Variants in ATP6V1C1 observed in about 807,000 individuals in gnomAD.
ATP6V1C1 encodes the protein V-type proton ATPase subunit C 1.
A neutral mutation model predicts 53.9 loss-of-function variants in ATP6V1C1; 45 were observed. The ratio of observed to expected loss-of-function variants is 0.83; its 90% CI spans 0.66 to 1.07. ATP6V1C1 has a LOEUF of 1.07. ATP6V1C1 is among the 50% of genes least tolerant of loss of function. The probability of loss-of-function intolerance (pLI) is 0.00; values close to 1 mark genes in which losing one functional copy is unlikely to be tolerated. For missense variants in ATP6V1C1, 315 were observed against 440.3 expected (o/e 0.72, Z 2.55); for synonymous variants, 153 against 155.2 (o/e 0.99, Z 0.11).
chr8:103,050,442 C>T (rs917461028), intron 4 of ATP6V1C1, among the ~76,000 whole-genome samples: 3 of 152,128 alleles, frequency 2.0e-5, no homozygotes, highest in Admixed American at 6.6e-5. Context: ...CGTCAGTTGG[C>T]GCTGCCATAA....
chr8:103,040,884 G>A lies in ATP6V1C1; in HGVS notation c.48G>A (p.Gln16=). The change falls in exon 2 of 13, where the codon CAG becomes CAA. Residue 16 remains glutamine (Q), a synonymous_variant. Transcript: ENST00000518738. ...CTGCTCCTGGGGAGAAAACCTGTCA[G>A]CAAACATGGGAGAAATTGCATGCGG... ...LISAPGEKTC[Q]QTWEKLHAAT... is the part of the protein sequence containing the mutation. 2 of 1,614,070 alleles carry A rather than the reference G, an allele frequency of 1.2e-6. No homozygotes were observed. The highest frequency in any genetic ancestry group is 1.1e-5 in the South Asian group (1 of 91,082).
chr8:103,049,629 A>G (rs1817165472), intron 4 of ATP6V1C1, among the ~76,000 whole-genome samples: 1 of 152,086 alleles, frequency 6.6e-6, no homozygotes, highest in African/African-American at 2.4e-5. Flanking sequence ...ATCTCTAGTG[A>G]TACGTTTTTA....
intron 1 of ATP6V1C1, among the ~76,000 whole-genome samples, chr8:103,035,193 C>A (rs1167152803): frequency 6.6e-6 from 1 of 152,100 alleles, no homozygotes; most frequent in Non-Finnish European, 1.5e-5. Flanking sequence ...TAGGAACCTG[C>A]AACTCTACCA....
At chr8:103,027,414 C>T (rs940826693) in intron 1 of ATP6V1C1, among the ~76,000 whole-genome samples, 7 of 152,048 alleles carry the variant, frequency 4.6e-5, no homozygotes, top group Admixed American at 1.3e-4. Flanking sequence ...CTGTGGTTGC[C>T]CCTATCTTGG....
At chr8:103,068,567 C>T (rs950729750) in intron 12 of ATP6V1C1, 85 bp from the exon 13 acceptor site, 2 of 991,948 alleles carry the variant, frequency 2.0e-6, no homozygotes, top group Admixed American at 5.3e-5. Context: ...AGTAGATGTT[C>T]AATAAAAAGG....
intron 7 of ATP6V1C1, 54 bp downstream of exon 7, chr8:103,054,036 A>C (rs1300082903): frequency 7.3e-7 from 1 of 1,371,558 alleles, no homozygotes; most frequent in Non-Finnish European, 1.0e-6. Flanking sequence ...GAAAAATGTT[A>C]GTATCTAGTA....
chr8:103,046,734 T>C lies in ATP6V1C1; in HGVS notation c.201-2136T>C, dbSNP rs531349505. Among the ~76,000 whole-genome samples, 11 of 152,338 alleles carry C rather than the reference T, an allele frequency of 7.2e-5. No individual in the cohort carries two copies. The East Asian group carries it at 1.7e-3, about 24-fold the overall frequency. ...ACAGATGATAGCTTAATGACTTAAATGCTCCAAGTGTTAAAGGCCAAATAT... is the reference window on the plus strand; with the variant it reads ...ACAGATGATAGCTTAATGACTTAAACGCTCCAAGTGTTAAAGGCCAAATAT... On this transcript the variant is annotated intron_variant, in intron 3 of 12. Transcript: ENST00000518738.
intron 1 of ATP6V1C1, among the ~76,000 whole-genome samples, chr8:103,029,105 T>A (rs918449879): frequency 8.5e-5 from 13 of 152,286 alleles, no homozygotes; most frequent in South Asian, 2.1e-4. Context: ...AGTTTTTTTT[T>A]TTATAATTTA....
chr8:103,032,960 TATG>T (rs1236097450), intron 1 of ATP6V1C1, among the ~76,000 whole-genome samples: 1 of 152,224 alleles, frequency 6.6e-6, no homozygotes. Flanking sequence ...CTGGTGAATG[TATG>T]AACAGACTAT....
intron 1 of ATP6V1C1, among the ~76,000 whole-genome samples, chr8:103,040,441 C>T (rs1020325900): frequency 1.3e-5 from 2 of 151,874 alleles, no homozygotes; most frequent in Non-Finnish European, 2.9e-5. Context: ...TAAGATAAAC[C>T]TATAAATTTG....
At chr8:103,058,983 A>ATTTTT (rs367688530) in intron 8 of ATP6V1C1, among the ~76,000 whole-genome samples, 12 of 137,506 alleles carry the variant, frequency 8.7e-5, no homozygotes, top group African/African-American at 2.6e-4. Flanking sequence ...CCACTTTCCT[A>ATTTTT]TTTTTTTTTT....
intron 6 of ATP6V1C1, among the ~76,000 whole-genome samples, chr8:103,053,225 T>C (rs1478474544): frequency 6.6e-6 from 1 of 152,038 alleles, no homozygotes; most frequent in Non-Finnish European, 1.5e-5. Context: ...TTTCAGAATT[T>C]AGGTTTTTCA....
chr8:103,046,591 C>G (rs762947831), intron 3 of ATP6V1C1, among the ~76,000 whole-genome samples: 8 of 152,136 alleles, frequency 5.3e-5, no homozygotes, highest in Admixed American at 1.3e-4. Flanking sequence ...TTTAAAGTTA[C>G]CTAGGCAGTG....
At chr8:103,052,302 T>C (rs1817215215) in intron 5 of ATP6V1C1, among the ~76,000 whole-genome samples, 1 of 152,142 alleles carries the variant, frequency 6.6e-6, no homozygotes, top group African/African-American at 2.4e-5. Flanking sequence ...TAAATTCAAC[T>C]ATAATTTTAA....
intron 7 of ATP6V1C1, among the ~76,000 whole-genome samples, chr8:103,054,296 G>A (rs1158793934): frequency 6.6e-5 from 10 of 152,150 alleles, no homozygotes; most frequent in Admixed American, 2.0e-4. Context: ...TCTCAAAATA[G>A]GAAGGTCTTT....
intron 12 of ATP6V1C1, among the ~76,000 whole-genome samples, chr8:103,067,291 C>T (rs574522391): frequency 1.3e-5 from 2 of 150,012 alleles, no homozygotes; most frequent in South Asian, 2.1e-4. Context: ...CCCAGCTACT[C>T]GGGAGCCTGA....
chr8:103,024,412 C>T (rs921478225), intron 1 of ATP6V1C1, among the ~76,000 whole-genome samples: 7 of 152,254 alleles, frequency 4.6e-5, no homozygotes, highest in Admixed American at 1.3e-4. Flanking sequence ...CCACAACTCA[C>T]GAGATAATAC....
intron 1 of ATP6V1C1, among the ~76,000 whole-genome samples, chr8:103,039,705 T>A (rs1249340262): frequency 1.3e-5 from 2 of 152,066 alleles, no homozygotes; most frequent in South Asian, 4.1e-4. Flanking sequence ...GTCTCTGTAC[T>A]TTTTTCCCCC....
intron 2 of ATP6V1C1, 55 bp from the exon 3 acceptor site, chr8:103,042,282 CTTG>C (rs1442839121): frequency 4.2e-6 from 6 of 1,434,832 alleles, no homozygotes; most frequent in Admixed American, 1.8e-5. Context: ...GATGAATCAT[CTTG>C]TTTTTTTTTT....
Sources: gnomAD v4.1 joint callset for allele counts (sites outside exome capture counted in the v4.1 genomes callset) on GRCh38, gnomAD v4.1.1 for gene constraint, MANE v1.5 for transcripts, NCBI Gene and HGNC (gene_info 2026-07-23, HGNC 2026-07-21) for gene names.